Variants in SIRPG observed in about 807,000 individuals in gnomAD.
The protein encoded by SIRPG is signal-regulatory protein gamma.
SIRPG carries 38 observed loss-of-function variants against 35.7 expected under a neutral mutation model. The observed-to-expected ratio is 1.06, with a 90% CI of 0.82 to 1.40. The LOEUF (loss-of-function observed/expected upper bound fraction) is 1.40. Among genes scored for constraint, SIRPG ranks in the 40% most tolerant of loss-of-function variants. The pLI, the probability that SIRPG is intolerant of heterozygous loss-of-function variation, is 0.00. For missense variants in SIRPG, 519 were observed against 483.0 expected (o/e 1.07, Z -0.70); for synonymous variants, 215 against 190.4 (o/e 1.13, Z -1.06).
the SIRPG span, among the ~76,000 whole-genome samples, chr20:1,683,964 C>T: frequency 2.6e-4 from 33 of 128,516 alleles, no homozygotes; most frequent in South Asian, 2.0e-3. Context: ...GGTGAAACAC[C>T]GTCTCAAAAA....
chr20:1,658,919 C>T (rs900914325), upstream of SIRPG, among the ~76,000 whole-genome samples: 1 of 152,162 alleles, frequency 6.6e-6, no homozygotes, highest in Non-Finnish European at 1.5e-5. Flanking sequence ...TTCTCTAAAT[C>T]CCGCTCCTTG....
intron 1 of SIRPG, among the ~76,000 whole-genome samples, chr20:1,649,673 G>A (rs997560671): frequency 8.8e-6 from 1 of 113,714 alleles, no homozygotes; most frequent in Non-Finnish European, 1.7e-5. Flanking sequence ...GTCCTGTTCT[G>A]TTGCCCAGGC....
At chr20:1,630,882 G>A (rs1025696510) in intron 4 of SIRPG, 1 of 152,436 alleles carries the variant, frequency 6.6e-6, no homozygotes, top group South Asian at 2.1e-4. Flanking sequence ...AGGACTCCGT[G>A]TTCTCAGAAC....
intron 4 of SIRPG, among the ~76,000 whole-genome samples, chr20:1,634,117 G>A (rs772443976): frequency 4.5e-4 from 68 of 152,064 alleles, no homozygotes; most frequent in Non-Finnish European, 8.2e-4. Context: ...ATTTGCAGAG[G>A]GGTTTGTGAT....
At chr20:1,680,042 C>T in the SIRPG span, among the ~76,000 whole-genome samples, 42 of 152,320 alleles carry the variant, frequency 2.8e-4, no homozygotes, top group African/African-American at 7.5e-4. Flanking sequence ...ATTTGACACA[C>T]GTATTAATGT....
Position 1,636,200 on chromosome 20 carries a change from C to G in SIRPG, c.736G>C (p.Glu246Gln). The change falls in exon 3 of 6, where the codon GAG (glutamate) becomes CAG (glutamine). Residue 246 changes from glutamate to glutamine, a missense_variant. Physicochemically the swap from Glu to Gln is conservative, Grantham distance 29. Coordinates refer to ENST00000303415, the MANE Select transcript of SIRPG (RefSeq NM_018556.4). ...GAGGGTCCTCTACCTCGGATGGCCT[C>G]AGACAAGTTGGCAGTCCCACGAAGA... Reference protein sequence around the residue: ...DPLRGTANLSEAIRVPPTLEV... With the variant: ...DPLRGTANLSQAIRVPPTLEV... 6.2e-7 allele frequency: 1 copy of G among 1,614,100 alleles called. No individual in the cohort carries two copies. Among genetic ancestry groups the G allele is most frequent in the African/African-American group, 1.3e-5 (1 of 75,030 alleles).
upstream of SIRPG, among the ~76,000 whole-genome samples, chr20:1,660,733 C>T (rs2091993810): frequency 6.6e-6 from 1 of 152,182 alleles, no homozygotes; most frequent in African/African-American, 2.4e-5. Context: ...AGCCAAAATT[C>T]TCCTTTATCT....
the SIRPG span, among the ~76,000 whole-genome samples, chr20:1,679,198 A>G: frequency 2.9e-3 from 435 of 152,268 alleles, 1 homozygote; most frequent in African/African-American, 0.01. Context: ...AAAAACGCTA[A>G]AAGGAGTGCT....
At chr20:1,658,056 G>C (rs2091985520), upstream of SIRPG, among the ~76,000 whole-genome samples, 1 of 152,182 alleles carries the variant, frequency 6.6e-6, no homozygotes, top group African/African-American at 2.4e-5. Context: ...AGTCAAGAAA[G>C]ATCTGTTGTT....
At chr20:1,658,757 G>A (rs1203493954), upstream of SIRPG, among the ~76,000 whole-genome samples, 1 of 152,048 alleles carries the variant, frequency 6.6e-6, no homozygotes, top group Non-Finnish European at 1.5e-5. Context: ...GGTGAAGTGC[G>A]GGAACTCAAA....
rs142972068 is a variant in SIRPG, at chr20:1,635,492, A to G, written c.856T>C (p.Ser286Pro). The G allele has an allele frequency of 2.5e-4, 402 of 1,614,016 alleles. No homozygotes were observed. In the African/African-American group the frequency reaches 4.8e-3, roughly 19 times the overall value. ...FYPQSLQLTWSENGNVCQRET... is the reference protein window; with the variant it reads ...FYPQSLQLTWPENGNVCQRET... ...CTCTGGCACACGTTTCCATTCTCCGACCAGGTCAGCTGTAGGCTCTGGGGG... is the reference window on the plus strand; with the variant it reads ...CTCTGGCACACGTTTCCATTCTCCGGCCAGGTCAGCTGTAGGCTCTGGGGG... Residue 286 changes from serine (S) to proline (P), a missense_variant, in exon 4 of 6, where the codon TCG becomes CCG. Coordinates refer to ENST00000303415, the MANE Select transcript of SIRPG (RefSeq NM_018556.4).
the SIRPG span, among the ~76,000 whole-genome samples, chr20:1,668,524 CA>C: frequency 6.6e-6 from 1 of 152,016 alleles, no homozygotes. Flanking sequence ...CCGCATGATC[CA>C]ACCACCTCGG....
At chr20:1,657,119 C>G in intron 1 of SIRPG, among the ~76,000 whole-genome samples, 1 of 152,092 alleles carries the variant, frequency 6.6e-6, no homozygotes, top group Non-Finnish European at 1.5e-5. Context: ...GAGGAGATGG[C>G]CTTCTACAAG....
chr20:1,656,742 C>T (rs989415025), intron 1 of SIRPG, among the ~76,000 whole-genome samples: 1 of 152,086 alleles, frequency 6.6e-6, no homozygotes, highest in African/African-American at 2.4e-5. Flanking sequence ...TCAAGATGAC[C>T]AAGGGAGATG....
At chr20:1,670,803 C>A in the SIRPG span, 1 of 192,390 alleles carries the variant, frequency 5.2e-6, no homozygotes, top group Admixed American at 5.9e-5. Context: ...AAATCCAAGC[C>A]CTGGAGTAAA....
the SIRPG span, among the ~76,000 whole-genome samples, chr20:1,667,451 A>G: frequency 6.6e-6 from 1 of 152,242 alleles, no homozygotes; most frequent in Non-Finnish European, 1.5e-5. Flanking sequence ...AATTTAAACA[A>G]GAGACACACA....
At chr20:1,635,080 G>C (rs1314288629) in intron 4 of SIRPG, among the ~76,000 whole-genome samples, 187 bp downstream of exon 4, 1 of 152,012 alleles carries the variant, frequency 6.6e-6, no homozygotes, top group Admixed American at 6.5e-5. Flanking sequence ...TATGTCAAAA[G>C]TTCTATTAAC....
intron 2 of SIRPG, among the ~76,000 whole-genome samples, chr20:1,644,989 C>T (rs1243734838): frequency 1.3e-5 from 2 of 152,212 alleles, no homozygotes; most frequent in African/African-American, 2.4e-5. Context: ...AGTCAGCCAT[C>T]TTGGCCCTGT....
the SIRPG span, among the ~76,000 whole-genome samples, chr20:1,671,755 G>A: frequency 3.5e-3 from 530 of 152,304 alleles, 1 homozygote; most frequent in African/African-American, 0.011. Flanking sequence ...GGGATGGGCC[G>A]AAGTAAAGGG....
Sources: gnomAD v4.1 joint callset for allele counts (sites outside exome capture counted in the v4.1 genomes callset) on GRCh38, gnomAD v4.1.1 for gene constraint, MANE v1.5 for transcripts, NCBI Gene and HGNC (gene_info 2026-07-23, HGNC 2026-07-21) for gene names.